Variants in ACTC1 observed in about 807,000 individuals in gnomAD.
ACTC1 encodes actin alpha cardiac muscle 1.
ACTC1 carries 10 observed loss-of-function variants against 31.6 expected under a neutral mutation model. The observed-to-expected ratio is 0.32, with a 90% confidence interval of 0.19 to 0.54. ACTC1 has a LOEUF of 0.54. ACTC1 is among the 20% of genes least tolerant of loss of function. The probability of loss-of-function intolerance (pLI) is 0.95; values close to 1 mark genes in which losing one functional copy is unlikely to be tolerated. For missense variants in ACTC1, 129 were observed against 506.4 expected (o/e 0.25, Z 7.15); for synonymous variants, 196 against 185.0 (o/e 1.06, Z -0.48).
In ACTC1 at chr15:34,790,354, C is replaced by A. The variant is rs1891676994; in HGVS notation, c.*58G>T. The A allele has an allele frequency of 1.9e-6, 3 of 1,604,674 alleles. No homozygotes were observed. The African/African-American group carries it at 4.0e-5, about 21-fold the overall frequency. ...AGATGAGGGAAGGTGGTTTGGAAGA[C>A]TCCAAGAAGCATAATACCGTCATCC... On this transcript the variant is annotated 3_prime_UTR_variant, in exon 7 of 7. Coordinates refer to ENST00000290378, the MANE Select transcript of ACTC1 (RefSeq NM_005159.5).
chr15:34,793,178 G>T lies in ACTC1; in HGVS notation c.454+67C>A. The T allele has an allele frequency of 6.6e-7, 1 of 1,516,442 alleles. No homozygotes were observed. The highest frequency in any genetic ancestry group is 1.1e-5 in the South Asian group (1 of 87,490). 93.9% of individuals were successfully genotyped at this position (1,516,442 alleles called of 1,614,324 possible). A position where few individuals can be genotyped will look rare whatever the true frequency, so the allele number is the denominator to read the frequency against. On this transcript the variant is annotated intron_variant, in intron 3 of 6. Transcript: ENST00000290378. This position sits in a 1 kb window ranked among gnomAD's most constrained non-coding sequence, Gnocchi z 4.8. The stretch of plus-strand genomic sequence containing the variant: ...TATCCCTTTTTCAACTGGGGGATCT[G>T]ATTCACAGCAAGGTCGGTGACTTGG...
At chr15:34,791,572 A>C (rs1891709502) in intron 5 of ACTC1, 1 of 472,314 alleles carries the variant, frequency 2.1e-6, no homozygotes, top group African/African-American at 1.9e-5. Context: ...AGATGTATGA[A>C]GATGTATTGG....
Position 34,793,420 on chromosome 15 carries a change from G to A in ACTC1, c.279C>T (p.Tyr93=). The A allele has an allele frequency of 6.2e-7, 1 of 1,614,184 alleles. No individual in the cohort carries two copies. The highest frequency in any genetic ancestry group is 8.5e-7 in the Non-Finnish European group (1 of 1,180,034). The stretch of plus-strand genomic sequence containing the variant: ...CCTCGGGAGCCACACGGAGCTCATT[G>A]TAGAAGGTGTGGTGCCAGATCTTCT... ...DMEKIWHHTF[Y]NELRVAPEEH... Residue 93 remains tyrosine (Y), a synonymous_variant, in exon 3 of 7, where the codon TAC becomes TAT. Coordinates refer to ENST00000290378, the MANE Select transcript of ACTC1 (RefSeq NM_005159.5). The surrounding 1 kb of genome is among the most constrained non-coding windows in gnomAD (Gnocchi z 4.8).
intron 2 of ACTC1, 88 bp downstream of exon 2, chr15:34,794,592 C>G (rs1442618047): frequency 2.7e-6 from 4 of 1,485,800 alleles, no homozygotes; most frequent in East Asian, 2.4e-5. Context: ...AAGAGTTCAT[C>G]GAACAAGAGG....
rs1566967884 is a variant in ACTC1 at position 34,793,924 on chromosome 15, G to A, written c.130-355C>T. 6.6e-6 allele frequency among the ~76,000 whole-genome samples: 1 copy of A among 152,184 alleles called. No homozygotes were observed. Among genetic ancestry groups the A allele is most frequent in the Non-Finnish European group, 1.5e-5 (1 of 68,042 alleles). On this transcript the variant is annotated intron_variant, in intron 2 of 6. Transcript: ENST00000290378. The surrounding 1 kb of genome is among the most constrained non-coding windows in gnomAD (Gnocchi z 4.8). Reference sequence around the variant, plus strand: ...AATATAGATGACTGCATTTTGGAATGACTGAATTAATGACACATTGTATTT... The same window carrying A: ...AATATAGATGACTGCATTTTGGAATAACTGAATTAATGACACATTGTATTT...
rs1418549856 is a variant in ACTC1, at chr15:34,793,096, C to G, written c.454+149G>C. 1.3e-6 allele frequency: 1 copy of G among 787,278 alleles called. No individual in the cohort carries two copies. Among genetic ancestry groups the G allele is most frequent in the African/African-American group, 1.7e-5 (1 of 57,738 alleles). 48.8% of individuals were successfully genotyped at this position (787,278 alleles called of 1,614,324 possible). A position where few individuals can be genotyped will look rare whatever the true frequency, so the allele number is the denominator to read the frequency against. On this transcript the variant is annotated intron_variant, in intron 3 of 6. Coordinates refer to ENST00000290378, the MANE Select transcript of ACTC1 (RefSeq NM_005159.5). The surrounding 1 kb of genome is among the most constrained non-coding windows in gnomAD (Gnocchi z 4.8). ...GTGCTCCGAAACTAACCTCAGGGCA[C>G]TACTGTTAACTCTTTCTCTTAGCAC...
intron 5 of ACTC1, chr15:34,791,838 T>A: frequency 1.9e-6 from 1 of 515,400 alleles, no homozygotes; most frequent in South Asian, 2.1e-5. Flanking sequence ...TGCAGATACG[T>A]GCTATTCAGT....
At chr15:34,791,618 G>T in intron 5 of ACTC1, 1 of 372,356 alleles carries the variant, frequency 2.7e-6, no homozygotes, top group Non-Finnish European at 4.9e-6. Context: ...TAAAATGAAT[G>T]TAATTTTTGT....
rs199947846 is a variant in ACTC1, at chr15:34,792,265, G to T, written c.633C>A (p.Val211=). The T allele has an allele frequency of 6.2e-7, 1 of 1,614,180 alleles. No homozygotes were observed. The highest frequency in any genetic ancestry group is 8.5e-7 in the Non-Finnish European group (1 of 1,180,038). The change falls in exon 5 of 7, where the codon GTC becomes GTA. Residue 211 remains valine, a synonymous_variant. Coordinates refer to ENST00000290378, the MANE Select transcript of ACTC1 (RefSeq NM_005159.5). The surrounding 1 kb of genome is among the most constrained non-coding windows in gnomAD (Gnocchi z 5.3). ...SFVTTAEREI[V]RDIKEKLCYV... Reference sequence around the variant, plus strand: ...AGCACAGCTTCTCTTTAATGTCACGGACAATTTCACGTTCAGCTACAGAAA... The same window carrying T: ...AGCACAGCTTCTCTTTAATGTCACGTACAATTTCACGTTCAGCTACAGAAA...
chr15:34,794,678 ACCTGGTG>A lies in ACTC1; in HGVS notation c.124_129+1del. ...GGACGGGGGGCTCGGCGGGAAGTTT[ACCTGGTG>A]CCGCGGGCGGCCCACGATGGACGGG... On this transcript the variant is annotated splice_donor_variant and coding_sequence_variant, in exon 2 of 7. Coordinates refer to ENST00000290378, the MANE Select transcript of ACTC1 (RefSeq NM_005159.5). LOFTEE classifies it high-confidence loss of function. The A allele has an allele frequency of 6.2e-7, 1 of 1,611,276 alleles. No homozygotes were observed.
intron 6 of ACTC1, 148 bp from the exon 7 acceptor site, chr15:34,790,703 A>G (rs563713150): frequency 7.6e-6 from 6 of 790,626 alleles, no homozygotes; most frequent in Admixed American, 2.1e-5. Flanking sequence ...AATGTGGCCA[A>G]TCAAGTTATA....
chr15:34,791,407 G>T, intron 5 of ACTC1, 112 bp from the exon 6 acceptor site: 2 of 1,413,910 alleles, frequency 1.4e-6, no homozygotes, highest in Admixed American at 1.8e-5. Flanking sequence ...TCTTTGTGTG[G>T]GGGAGCTGTC....
rs1891759697 is a variant in ACTC1, at chr15:34,793,936, G to T, written c.130-367C>A. ...TGCATTTTGGAATGACTGAATTAAT[G>T]ACACATTGTATTTCTCCTAAGAAAA... On this transcript the variant is annotated intron_variant, in intron 2 of 6. Coordinates refer to ENST00000290378, the MANE Select transcript of ACTC1 (RefSeq NM_005159.5). This position sits in a 1 kb window ranked among gnomAD's most constrained non-coding sequence, Gnocchi z 4.8. Among the ~76,000 whole-genome samples the T allele has an allele frequency of 6.6e-6, 1 of 152,186 alleles. No individual in the cohort carries two copies. Among genetic ancestry groups the T allele is most frequent in the Non-Finnish European group, 1.5e-5 (1 of 68,040 alleles).
At chr15:34,791,041 A>G in intron 6 of ACTC1, 73 bp downstream of exon 6, 2 of 1,398,884 alleles carry the variant, frequency 1.4e-6, no homozygotes, top group South Asian at 1.4e-5. Context: ...ATGAGGGAAA[A>G]GGAATTTGGA....
chr15:34,790,668 T>C, intron 6 of ACTC1, 113 bp from the exon 7 acceptor site: 1 of 1,231,620 alleles, frequency 8.1e-7, no homozygotes, highest in East Asian at 2.4e-5. Context: ...TTCGCTATAA[T>C]GTGGGATATG....
Position 34,791,387 on chromosome 15 carries a change from G to T in ACTC1, c.809-92C>A, listed in dbSNP as rs771953658. ...CATTCAGGTCAAGGTAGAGGGAAGA[G>T]AACAGAACTTCTTTGTGTGGGGGAG... is the stretch of plus-strand genomic sequence containing the variant. On this transcript the variant is annotated intron_variant, in intron 5 of 6. Transcript: ENST00000290378. The T allele has an allele frequency of 2.8e-5, 43 of 1,517,962 alleles. 1 individual carries two copies. The highest frequency in any genetic ancestry group is 3.3e-5 in the Non-Finnish European group (37 of 1,108,342). The allele number at this position is 1,517,962 out of a possible 1,614,324, so 94.0% of individuals were successfully genotyped here. A position where few individuals can be genotyped will look rare whatever the true frequency, so the allele number is the denominator to read the frequency against.
rs148433308 is a variant in ACTC1, at chr15:34,794,656, CG to C, written c.129+23del. On this transcript the variant is annotated intron_variant, in intron 2 of 6. Coordinates refer to ENST00000290378, the MANE Select transcript of ACTC1 (RefSeq NM_005159.5). ...TGGACTGAAGGGGTCCCGAGTGGGACGGGGGGCTCGGCGGGAAGTTTACCTG... is the reference window on the plus strand; with the variant it reads ...TGGACTGAAGGGGTCCCGAGTGGGACGGGGGCTCGGCGGGAAGTTTACCTG... The C allele has an allele frequency of 4.3e-5, 69 of 1,607,320 alleles. No homozygotes were observed. Among genetic ancestry groups the C allele is most frequent in the Non-Finnish European group, 5.2e-5 (61 of 1,176,306 alleles).
intron 2 of ACTC1, 151 bp downstream of exon 2, chr15:34,794,529 T>A: frequency 8.2e-7 from 1 of 1,225,638 alleles, no homozygotes. Flanking sequence ...TGTGGAGTAT[T>A]GCTTGCCTTG....
At position 34,793,595 on chromosome 15, in the gene ACTC1, C is replaced by G. The variant is rs576816681; in HGVS notation, c.130-26G>C. 1.6e-5 allele frequency: 26 copies of G among 1,599,374 alleles called. No individual in the cohort carries two copies. In the East Asian group the frequency reaches 5.1e-4, roughly 32 times the overall value. On this transcript the variant is annotated intron_variant, in intron 2 of 6. Transcript: ENST00000290378. The surrounding 1 kb of genome is among the most constrained non-coding windows in gnomAD (Gnocchi z 4.8). ...CTATGAGAAGAAAAAATGAGAAAAT[C>G]ATGCTCTCACCATGTCAGGAATATA... is the stretch of plus-strand genomic sequence containing the variant.
Sources: allele counts gnomAD v4.1 joint callset (sites outside exome capture counted in the v4.1 genomes callset), GRCh38; gene constraint gnomAD v4.1.1; non-coding constraint Gnocchi (gnomAD v3.1); transcripts MANE v1.5; gene names NCBI Gene and HGNC (gene_info 2026-07-23, HGNC 2026-07-21).